The following MYPN variants were observed in gnomAD, a reference collection of about 807,000 sequenced individuals.
MYPN encodes the protein myopalladin.
In MYPN, 63 loss-of-function variants were observed where a neutral mutation model predicts 129.4. The observed-to-expected ratio is 0.49, with a 90% CI of 0.40 to 0.60. The LOEUF (loss-of-function observed/expected upper bound fraction) is 0.60. MYPN is among the 20% of genes least tolerant of loss of function. The pLI is 0.00. For missense variants in MYPN, 1,596 were observed against 1,635.4 expected, an observed-to-expected ratio of 0.98 and a Z score of 0.42; for synonymous variants, 629 against 600.9, an observed-to-expected ratio of 1.05 and a Z score of -0.68.
rs146280945 is a variant in MYPN, at chr10:68,206,830, C to T, written c.3720C>T (p.Asp1240=). 137 of 1,614,072 alleles carry T rather than the reference C, an allele frequency of 8.5e-5. No individual in the cohort carries two copies. Among genetic ancestry groups the T allele is most frequent in the Non-Finnish European group, 1.1e-4 (125 of 1,180,032 alleles). Residue 1240 remains aspartate (D), a synonymous_variant, in exon 19 of 20, where the codon GAC becomes GAT. Coordinates refer to ENST00000358913, the MANE Select transcript of MYPN (RefSeq NM_032578.4). ...CLLIQPAKKS[D]AGWYTLSAKN... is the part of the protein sequence containing the mutation. ...TCATTCAGCCAGCCAAGAAATCAGA[C>T]GCTGGATGGTACACGTTGTCAGCCA...
At chr10:68,190,056 C>T (rs1159337565) in intron 13 of MYPN, among the ~76,000 whole-genome samples, 1 of 152,126 alleles carries the variant, frequency 6.6e-6, no homozygotes. Context: ...TTGGTAATAG[C>T]CATTCTAACT....
At chr10:68,113,474 T>A (rs995153276) in intron 1 of MYPN, among the ~76,000 whole-genome samples, 3 of 152,200 alleles carry the variant, frequency 2.0e-5, no homozygotes, top group Middle Eastern at 3.4e-3. Flanking sequence ...GGTGGGTGGA[T>A]CACTTGAGCC....
At chr10:68,202,365 G>A (rs936294371) in intron 18 of MYPN, among the ~76,000 whole-genome samples, 9 of 152,004 alleles carry the variant, frequency 5.9e-5, no homozygotes, top group South Asian at 2.1e-4. Context: ...CCTGGGAGGC[G>A]GAACTTGCAG....
intron 1 of MYPN, among the ~76,000 whole-genome samples, chr10:68,089,508 A>G (rs780071171): frequency 1.3e-5 from 2 of 151,534 alleles, no homozygotes; most frequent in African/African-American, 2.4e-5. Context: ...TGCCCGGCTA[A>G]TTTTGTTTTT....
At chr10:68,160,485 G>A (rs1350949082) in intron 7 of MYPN, among the ~76,000 whole-genome samples, 1 of 149,814 alleles carries the variant, frequency 6.7e-6, no homozygotes, top group Non-Finnish European at 1.5e-5. Flanking sequence ...ACTTCAATGG[G>A]TCTACCAGTG....
chr10:68,141,074 C>A (rs2042569363), intron 2 of MYPN, among the ~76,000 whole-genome samples: 1 of 150,324 alleles, frequency 6.7e-6, no homozygotes. Context: ...TCCTCCACCA[C>A]CCCCCCAAAA....
intron 6 of MYPN, among the ~76,000 whole-genome samples, chr10:68,153,804 T>G (rs949315013): frequency 9.2e-5 from 14 of 152,212 alleles, no homozygotes; most frequent in African/African-American, 3.4e-4. Flanking sequence ...TGCATATGTT[T>G]GTTTGGCTTC....
At chr10:68,154,786 T>A (rs977209143) in intron 6 of MYPN, among the ~76,000 whole-genome samples, 1 of 152,238 alleles carries the variant, frequency 6.6e-6, no homozygotes, top group Non-Finnish European at 1.5e-5. Context: ...TTTGTGGTTA[T>A]AGATCTACTA....
chr10:68,167,716 G>T (rs779562709), intron 10 of MYPN, among the ~76,000 whole-genome samples: 3 of 152,150 alleles, frequency 2.0e-5, no homozygotes, highest in Non-Finnish European at 2.9e-5. Context: ...TTCATATTCT[G>T]CTCACCACTA....
chr10:68,154,292 C>T (rs1564666836), intron 6 of MYPN, among the ~76,000 whole-genome samples: 1 of 152,374 alleles, frequency 6.6e-6, no homozygotes, highest in Middle Eastern at 3.4e-3. Context: ...ACTGCTCCCA[C>T]CCCAGCAGCA....
At chr10:68,158,919 T>C (rs1038025987) in intron 7 of MYPN, among the ~76,000 whole-genome samples, 5 of 143,504 alleles carry the variant, frequency 3.5e-5, no homozygotes, top group Non-Finnish European at 7.7e-5. Flanking sequence ...TTTTTTTTTT[T>C]AGATGGAATC....
At position 68,174,453 on chromosome 10, in the gene MYPN, A is replaced by AGG; in HGVS notation, c.2362_2363dup (p.Pro789AlafsTer73). On this transcript the variant is annotated frameshift_variant, in exon 11 of 20. Transcript: ENST00000358913. LOFTEE classifies it high-confidence loss of function. ...CCATCCAAAATGAGCCACTCCCACCAGGCCCAACAGAACCAACACCACCAC... is the reference window on the plus strand; with the variant it reads ...CCATCCAAAATGAGCCACTCCCACCAGGGGCCCAACAGAACCAACACCACCAC... The AGG allele has an allele frequency of 6.2e-7, 1 of 1,614,102 alleles. No homozygotes were observed. The highest frequency in any genetic ancestry group is 8.5e-7 in the Non-Finnish European group (1 of 1,180,020).
chr10:68,093,075 T>A (rs1237421810), intron 1 of MYPN, among the ~76,000 whole-genome samples: 1 of 152,132 alleles, frequency 6.6e-6, no homozygotes, highest in East Asian at 1.9e-4. Flanking sequence ...AGTCTCACTA[T>A]ATTGCCCAGG....
chr10:68,142,873 C>G (rs2042598319), intron 2 of MYPN, 67 bp from the exon 3 acceptor site: 2 of 1,417,590 alleles, frequency 1.4e-6, no homozygotes, highest in African/African-American at 1.4e-5. Context: ...AAGAGAATAT[C>G]TGGAGCTGTC....
chr10:68,198,430 A>G (rs1307629851), intron 16 of MYPN, among the ~76,000 whole-genome samples: 2 of 152,176 alleles, frequency 1.3e-5, no homozygotes, highest in Non-Finnish European at 2.9e-5. Flanking sequence ...AGAGAAGCTT[A>G]TGTCACCCTT....
chr10:68,123,839 A>G (rs1178971329), intron 2 of MYPN, among the ~76,000 whole-genome samples: 1 of 152,206 alleles, frequency 6.6e-6, no homozygotes, highest in African/African-American at 2.4e-5. Flanking sequence ...TTATAGCCTA[A>G]AAAAGGTCTC....
Position 68,148,448 on chromosome 10 carries a change from G to A in MYPN, c.1226G>A (p.Arg409His), listed in dbSNP as rs200352249. The A allele has an allele frequency of 1.9e-5, 31 of 1,614,032 alleles. No homozygotes were observed. The highest frequency in any genetic ancestry group is 1.6e-4 in the Middle Eastern group (1 of 6,062). Reference sequence around the variant, plus strand: ...GCCCAGCATTTGGTGGCCCAACCTCGTGTGGCAACCATCCAGCAGGTACAA... The same window carrying A: ...GCCCAGCATTTGGTGGCCCAACCTCATGTGGCAACCATCCAGCAGGTACAA... ...PQAQHLVAQPRVATIQQCQSP... is the reference protein window; with the variant it reads ...PQAQHLVAQPHVATIQQCQSP... The change falls in exon 5 of 20, where the codon CGT (arginine) becomes CAT (histidine). Residue 409 changes from arginine (R) to histidine (H), a missense_variant. Arg to His is a conservative substitution (Grantham distance 29). Transcript: ENST00000358913.
chr10:68,195,371 C>A (rs2043587126), intron 14 of MYPN, 79 bp from the exon 15 acceptor site: 4 of 1,356,182 alleles, frequency 2.9e-6, no homozygotes, highest in South Asian at 1.2e-5. Flanking sequence ...TCACGGTGTT[C>A]TGGTCCAGAA....
intron 19 of MYPN, among the ~76,000 whole-genome samples, chr10:68,208,713 C>T (rs2043857014): frequency 1.3e-5 from 2 of 152,146 alleles, no homozygotes; most frequent in African/African-American, 4.8e-5. Flanking sequence ...CAACAATAGG[C>T]AGTGCTGTTT....
Sources: allele counts gnomAD v4.1 joint callset (sites outside exome capture counted in the v4.1 genomes callset), GRCh38; gene constraint gnomAD v4.1.1; transcripts MANE v1.5; gene names NCBI Gene and HGNC (gene_info 2026-07-23, HGNC 2026-07-21).